The following PTPRD variants were observed in gnomAD, a reference collection of about 807,000 sequenced individuals.
PTPRD encodes receptor-type tyrosine-protein phosphatase delta.
PTPRD carries 34 observed loss-of-function variants against 214.5 expected under a neutral mutation model. That is an observed-to-expected ratio of 0.16 (90% CI 0.12 to 0.21). PTPRD has a LOEUF of 0.21. Among genes scored for constraint, PTPRD ranks in the 10% least tolerant of loss-of-function variants. The probability of loss-of-function intolerance (pLI) is 1.00; values close to 1 mark genes in which losing one functional copy is unlikely to be tolerated. For synonymous variants in PTPRD, 1,128 were observed against 845.7 expected, an observed-to-expected ratio of 1.33 and a Z score of -5.79; for missense variants, 2,545 against 2,398.7, an observed-to-expected ratio of 1.06 and a Z score of -1.27.
At chr9:8,576,318 AATTCTGC>A (rs2092350795) in intron 14 of PTPRD, among the ~76,000 whole-genome samples, 1 of 152,186 alleles carries the variant, frequency 6.6e-6, no homozygotes, top group Non-Finnish European at 1.5e-5. Flanking sequence ...TTCCTGAAAT[AATTCTGC>A]ATTTAAGGCA....
At chr9:9,883,593 A>T (rs1053957350) in intron 5 of PTPRD, among the ~76,000 whole-genome samples, 1 of 152,128 alleles carries the variant, frequency 6.6e-6, no homozygotes, top group East Asian at 1.9e-4. Flanking sequence ...ATCTTTTACC[A>T]AAGTCAGGCA....
intron 3 of PTPRD, among the ~76,000 whole-genome samples, chr9:10,289,275 TC>T (rs1376653510): frequency 2.0e-5 from 3 of 152,146 alleles, no homozygotes; most frequent in African/African-American, 7.2e-5. Context: ...ATGTGTCATT[TC>T]CCCCAATTTA....
chr9:9,852,462 T>C, intron 5 of PTPRD, among the ~76,000 whole-genome samples: 1 of 152,022 alleles, frequency 6.6e-6, no homozygotes, highest in East Asian at 1.9e-4. Flanking sequence ...AGAATAAAAG[T>C]CATTTTTCCT....
intron 10 of PTPRD, among the ~76,000 whole-genome samples, chr9:9,029,973 A>G (rs73641204): frequency 6.6e-6 from 1 of 151,974 alleles, no homozygotes; most frequent in African/African-American, 2.4e-5. Context: ...ATGCAGAGCC[A>G]GGAACTGAAC....
intron 3 of PTPRD, among the ~76,000 whole-genome samples, chr9:10,111,301 G>C (rs1285796038): frequency 2.9e-5 from 4 of 137,486 alleles, no homozygotes; most frequent in East Asian, 2.1e-4. Context: ...TGCAGTGGCG[G>C]GATCTCGGCT....
intron 9 of PTPRD, among the ~76,000 whole-genome samples, chr9:9,265,284 T>C (rs1281839110): frequency 1.3e-5 from 2 of 151,758 alleles, no homozygotes; most frequent in Non-Finnish European, 3.0e-5. Flanking sequence ...TTTTTAGAGA[T>C]AGCATCTCAT....
intron 11 of PTPRD, among the ~76,000 whole-genome samples, chr9:8,877,428 G>A (rs976311351): frequency 6.6e-6 from 1 of 151,838 alleles, no homozygotes; most frequent in Non-Finnish European, 1.5e-5. Context: ...CAATATCTAG[G>A]GGACTTTTAT....
At chr9:10,161,947 G>C (rs2099129621) in intron 3 of PTPRD, among the ~76,000 whole-genome samples, 1 of 151,576 alleles carries the variant, frequency 6.6e-6, no homozygotes, top group Non-Finnish European at 1.5e-5. Flanking sequence ...TTAAAAAAAT[G>C]CTTAACATCA....
At chr9:8,693,924 T>C (rs998007596) in intron 12 of PTPRD, among the ~76,000 whole-genome samples, 1 of 152,228 alleles carries the variant, frequency 6.6e-6, no homozygotes, top group Non-Finnish European at 1.5e-5. Flanking sequence ...AAATGCTAGA[T>C]TGAGAAGCAC....
chr9:8,913,130 T>TAA (rs143600787), intron 11 of PTPRD, among the ~76,000 whole-genome samples: 1 of 151,542 alleles, frequency 6.6e-6, no homozygotes, highest in African/African-American at 2.4e-5. Context: ...GAATTTTCTT[T>TAA]AAAAAAAAAC....
At chr9:9,417,783 C>G (rs545554084) in intron 8 of PTPRD, among the ~76,000 whole-genome samples, 2 of 152,110 alleles carry the variant, frequency 1.3e-5, no homozygotes, top group East Asian at 3.9e-4. Flanking sequence ...ATGAGATCAA[C>G]TTGCCAATTT....
rs970374644 is a variant in PTPRD at position 10,018,715 on chromosome 9, T to G, written c.-472+15003A>C. Among the ~76,000 whole-genome samples the G allele has an allele frequency of 4.0e-5, 6 of 149,962 alleles. 1 individual carries two copies. Among genetic ancestry groups the G allele is most frequent in the African/African-American group, 1.5e-4 (6 of 41,094 alleles). On this transcript the variant is annotated intron_variant, in intron 4 of 45. Coordinates refer to ENST00000381196, the MANE Select transcript of PTPRD (RefSeq NM_002839.4). The stretch of plus-strand genomic sequence containing the variant: ...GGCGCCCGCCACTACGCCCGGCTAA[T>G]TTTTTTTGTATTTTTAGTAGAGACG...
chr9:9,809,682 A>T (rs2046536402), intron 5 of PTPRD, among the ~76,000 whole-genome samples: 1 of 152,148 alleles, frequency 6.6e-6, no homozygotes, highest in Non-Finnish European at 1.5e-5. Flanking sequence ...CATCAGTTGA[A>T]TTTTTCAAAT....
intron 42 of PTPRD, among the ~76,000 whole-genome samples, chr9:8,339,362 C>A (rs1353671195): frequency 6.6e-6 from 1 of 152,028 alleles, no homozygotes; most frequent in Non-Finnish European, 1.5e-5. Context: ...ACAAGTTATC[C>A]AAATAATTAC....
At chr9:8,470,761 A>G (rs1319470595) in intron 31 of PTPRD, among the ~76,000 whole-genome samples, 1 of 152,164 alleles carries the variant, frequency 6.6e-6, no homozygotes, top group Non-Finnish European at 1.5e-5. Flanking sequence ...TAAGGCCAAC[A>G]AAGATTAGAC....
intron 8 of PTPRD, among the ~76,000 whole-genome samples, chr9:9,400,492 G>T (rs2141321610): frequency 6.6e-6 from 1 of 151,916 alleles, no homozygotes; most frequent in East Asian, 1.9e-4. Context: ...ATTGTTAACT[G>T]TGGATCTAAT....
At chr9:10,203,733 A>C (rs1351805320) in intron 3 of PTPRD, among the ~76,000 whole-genome samples, 1 of 152,138 alleles carries the variant, frequency 6.6e-6, no homozygotes, top group African/African-American at 2.4e-5. Context: ...AATGGAAAAA[A>C]ATTGCTTTTG....
At chr9:10,484,388 A>G (rs1923440) in intron 2 of PTPRD, among the ~76,000 whole-genome samples, 108,616 of 151,950 alleles carry the variant, frequency 0.71, 39,001 homozygotes, top group African/African-American at 0.74. Flanking sequence ...AGACTTTACC[A>G]CTATACAATT....
At chr9:8,819,788 T>C (rs1303123549) in intron 11 of PTPRD, among the ~76,000 whole-genome samples, 3 of 152,352 alleles carry the variant, frequency 2.0e-5, no homozygotes, top group East Asian at 1.9e-4. Flanking sequence ...CATCGTGAAG[T>C]TGTTGATAGC....
Sources: allele counts gnomAD v4.1 joint callset (sites outside exome capture counted in the v4.1 genomes callset), GRCh38; gene constraint gnomAD v4.1.1; transcripts MANE v1.5; gene names NCBI Gene and HGNC (gene_info 2026-07-23, HGNC 2026-07-21).